Variants in KIF1C observed in about 807,000 individuals in gnomAD.
The protein encoded by KIF1C is kinesin-like protein KIF1C.
In KIF1C, 61 loss-of-function variants were observed where a neutral mutation model predicts 126.5. The ratio of observed to expected loss-of-function variants is 0.48; its 90% CI spans 0.39 to 0.60. The LOEUF is 0.60. Ranked by LOEUF, KIF1C falls within the 20% of genes least tolerant of loss-of-function variation. The probability of loss-of-function intolerance (pLI) is 0.00; values close to 1 mark genes in which losing one functional copy is unlikely to be tolerated. For synonymous variants in KIF1C, 640 were observed against 580.6 expected (o/e 1.10, Z -1.47); for missense variants, 1,315 against 1,489.2 (o/e 0.88, Z 1.93).
intron 16 of KIF1C, 136 bp downstream of exon 16, chr17:5,007,678 C>G (rs1320396781): frequency 1.7e-6 from 1 of 598,794 alleles, no homozygotes; most frequent in Non-Finnish European, 2.8e-6. Flanking sequence ...TCATTTCTGT[C>G]CCCTCCCCTG....
chr17:5,023,393 C>T lies in KIF1C; in HGVS notation c.2629-75C>T, dbSNP rs554036971. 1.0e-5 allele frequency: 13 copies of T among 1,252,910 alleles called. 1 individual carries two copies. The South Asian group carries it at 1.7e-4, about 17-fold the overall frequency. 77.6% of individuals were successfully genotyped at this position (1,252,910 alleles called of 1,614,324 possible). On this transcript the variant is annotated intron_variant, in intron 22 of 22. Coordinates refer to ENST00000320785, the MANE Select transcript of KIF1C (RefSeq NM_006612.6). This position sits in a 1 kb window ranked among gnomAD's most constrained non-coding sequence, Gnocchi z 4.2. ...CCTTTGACATCCAGCCACTCCAGGT[C>T]CCTCTTGAATCCACATGTCCTGAGG...
At chr17:5,007,229 A>C (rs202097826) in intron 14 of KIF1C, 34 bp from the exon 15 acceptor site, 1 of 1,591,396 alleles carries the variant, frequency 6.3e-7, no homozygotes, top group East Asian at 2.3e-5. Flanking sequence ...CTTGTCCCAG[A>C]CCATCCTGAA....
chr17:5,001,420 G>A lies in KIF1C; in HGVS notation c.363+19G>A. 3 of 1,610,926 alleles carry A rather than the reference G, an allele frequency of 1.9e-6. No individual in the cohort carries two copies. The highest frequency in any genetic ancestry group is 2.5e-6 in the Non-Finnish European group (3 of 1,177,964). On this transcript the variant is annotated intron_variant, in intron 5 of 22. Coordinates refer to ENST00000320785, the MANE Select transcript of KIF1C (RefSeq NM_006612.6). The stretch of plus-strand genomic sequence containing the variant: ...GCCCCAGGTACGCCTAGGACCTGGT[G>A]GGGCAGCCAGGGCAGGAGCATCTTT...
intron 18 of KIF1C, chr17:5,019,767 G>C: frequency 1.7e-6 from 1 of 571,910 alleles, no homozygotes; most frequent in Non-Finnish European, 3.2e-6. Flanking sequence ...TGAGTCAGGA[G>C]CCACTGCAGA....
chr17:5,007,982 C>A (rs1974774274), intron 16 of KIF1C, among the ~76,000 whole-genome samples: 1 of 152,088 alleles, frequency 6.6e-6, no homozygotes, highest in African/African-American at 2.4e-5. Flanking sequence ...ATGGAGGCAC[C>A]CGTGTAGCTT....
At chr17:4,999,688 C>T (rs542714364) in intron 1 of KIF1C, among the ~76,000 whole-genome samples, 162 bp from the exon 2 acceptor site, 1 of 152,152 alleles carries the variant, frequency 6.6e-6, no homozygotes, top group Non-Finnish European at 1.5e-5. Context: ...AAAATATCAC[C>T]GTCCCTGCCC....
Position 5,023,545 on chromosome 17 carries a change from A to G in KIF1C, c.2706A>G (p.Ala902=), listed in dbSNP as rs1382488366. ...AAGGATCAGAGGCAGCAGAGGAGGC[A>G]GCCCCCAGTGACCGCATGCCGTCAG... The part of the protein sequence containing the change: ...PPEGSEAAEE[A]APSDRMPSAR... Residue 902 remains alanine (A), a synonymous_variant, in exon 23 of 23, where the codon GCA becomes GCG. Transcript: ENST00000320785. This position sits in a 1 kb window ranked among gnomAD's most constrained non-coding sequence, Gnocchi z 4.2. 2.5e-6 allele frequency: 4 copies of G among 1,613,674 alleles called. No individual in the cohort carries two copies. Among genetic ancestry groups the G allele is most frequent in the Non-Finnish European group, 3.4e-6 (4 of 1,179,958 alleles).
In KIF1C at chr17:4,998,918, C is replaced by T. The variant is rs891387000; in HGVS notation, c.-149+762C>T. Reference sequence around the variant, plus strand: ...GATCACCCACATTCCTGGGCTCCAGCCTGGCACCTTCCCCAGGGCAGTGGA... The same window carrying T: ...GATCACCCACATTCCTGGGCTCCAGTCTGGCACCTTCCCCAGGGCAGTGGA... On this transcript the variant is annotated intron_variant, in intron 1 of 22. Transcript: ENST00000320785. 125 of 152,528 alleles carry T rather than the reference C, an allele frequency of 8.2e-4. 1 individual carries two copies. Among genetic ancestry groups the T allele is most frequent in the African/African-American group, 2.8e-3 (118 of 41,580 alleles). The allele number at this position is 152,528 out of a possible 1,614,324, so 9.4% of individuals were successfully genotyped here.
intron 1 of KIF1C, among the ~76,000 whole-genome samples, chr17:4,998,425 C>T (rs933970567): frequency 6.6e-6 from 1 of 152,182 alleles, no homozygotes. Flanking sequence ...CCAAGACCCC[C>T]TTTCGGGCCG....
At chr17:5,013,591 T>C in intron 16 of KIF1C, 62 bp from the exon 17 acceptor site, 1 of 1,269,102 alleles carries the variant, frequency 7.9e-7, no homozygotes, top group Non-Finnish European at 1.1e-6. Flanking sequence ...CACCGCTCCC[T>C]TTCTTCCTTT....
At chr17:5,017,822 C>T (rs374214) in intron 18 of KIF1C, among the ~76,000 whole-genome samples, 7,214 of 152,096 alleles carry the variant, frequency 0.047, 231 homozygotes, top group East Asian at 0.19. Flanking sequence ...TGGATTCAGA[C>T]ACAGGATGGC....
At chr17:5,014,905 A>C (rs1367379925) in intron 18 of KIF1C, 68 bp downstream of exon 18, 1 of 1,328,682 alleles carries the variant, frequency 7.5e-7, no homozygotes, top group East Asian at 2.5e-5. Flanking sequence ...CACACACTGA[A>C]CTCAGAGGTC....
At chr17:5,017,722 G>A (rs1488746182) in intron 18 of KIF1C, among the ~76,000 whole-genome samples, 3 of 152,062 alleles carry the variant, frequency 2.0e-5, no homozygotes, top group Non-Finnish European at 1.5e-5. Flanking sequence ...TACTCTGTGC[G>A]TCCGCATTTT....
Position 5,015,393 on chromosome 17 carries a change from C to T in KIF1C, c.1666+556C>T, listed in dbSNP as rs965858693. 2.6e-5 allele frequency among the ~76,000 whole-genome samples: 4 copies of T among 151,804 alleles called. No homozygotes were observed. The East Asian group carries it at 5.8e-4, about 22-fold the overall frequency. On this transcript the variant is annotated intron_variant, in intron 18 of 22. Transcript: ENST00000320785. The stretch of plus-strand genomic sequence containing the variant: ...CAACCTCCCGGGTTCAAGCAATTCT[C>T]CTGCCTCAGCCTCCCGAGTAGCCGG...
chr17:5,023,648 GGTC>G lies in KIF1C; in HGVS notation c.2813_2815del (p.Arg938del). The G allele has an allele frequency of 6.2e-7, 1 of 1,612,670 alleles. No individual in the cohort carries two copies. ...GGAGGAGGACCCTGCCTTCCGTCGT[GGTC>G]GTCTTCGCTGGCTCAAGCAGGAGCA... On this transcript the variant is annotated inframe_deletion, in exon 23 of 23. Transcript: ENST00000320785. The surrounding 1 kb of genome is among the most constrained non-coding windows in gnomAD (Gnocchi z 4.2).
At chr17:5,002,695 G>A (rs1202886057) in intron 7 of KIF1C, 36 bp from the exon 8 acceptor site, 1 of 1,612,874 alleles carries the variant, frequency 6.2e-7, no homozygotes, top group African/African-American at 1.3e-5. Flanking sequence ...GGGAAGGTGA[G>A]AGGCAGGATC....
At chr17:5,009,215 T>C (rs940133246) in intron 16 of KIF1C, among the ~76,000 whole-genome samples, 1 of 151,608 alleles carries the variant, frequency 6.6e-6, no homozygotes, top group Non-Finnish European at 1.5e-5. Context: ...GGTCTTGTAC[T>C]GTCACCCGGG....
At chr17:5,000,564 C>G (rs1175180419) in intron 3 of KIF1C, among the ~76,000 whole-genome samples, 1 of 151,986 alleles carries the variant, frequency 6.6e-6, no homozygotes, top group East Asian at 1.9e-4. Flanking sequence ...ATTGCCCAAT[C>G]CAGGGAGGCA....
intron 18 of KIF1C, among the ~76,000 whole-genome samples, chr17:5,018,755 G>C (rs529068406): frequency 6.6e-6 from 1 of 151,902 alleles, no homozygotes; most frequent in Admixed American, 6.6e-5. Context: ...AATGACTTTA[G>C]ATTATCTTGT....
Sources: allele counts gnomAD v4.1 joint callset (sites outside exome capture counted in the v4.1 genomes callset), GRCh38; gene constraint gnomAD v4.1.1; non-coding constraint Gnocchi (gnomAD v3.1); transcripts MANE v1.5; gene names NCBI Gene and HGNC (gene_info 2026-07-23, HGNC 2026-07-21).